The following TNKS variants were observed in gnomAD, a reference collection of about 807,000 sequenced individuals.
TNKS encodes poly [ADP-ribose] polymerase tankyrase-1.
A neutral mutation model predicts 135.8 loss-of-function variants in TNKS; 72 were observed. The observed-to-expected ratio is 0.53, with a 90% CI of 0.44 to 0.64. The LOEUF (loss-of-function observed/expected upper bound fraction) is 0.64, where lower values mean the gene tolerates loss of function less well. TNKS is among the 30% of genes least tolerant of loss of function. The pLI is 0.00. For synonymous variants in TNKS, 849 were observed against 649.3 expected (o/e 1.31, Z -4.68); for missense variants, 1,769 against 1,674.0 (o/e 1.06, Z -0.99).
chr8:9,630,462 G>A (rs969120112), intron 3 of TNKS, among the ~76,000 whole-genome samples: 3 of 152,188 alleles, frequency 2.0e-5, no homozygotes, highest in African/African-American at 7.2e-5. Context: ...TGTTAAATCT[G>A]TGTTGGTCTG....
chr8:9,637,161 A>G (rs1393968094), intron 3 of TNKS, among the ~76,000 whole-genome samples: 1 of 152,192 alleles, frequency 6.6e-6, no homozygotes, highest in Non-Finnish European at 1.5e-5. Flanking sequence ...CTCTTAAAAG[A>G]AGTAATATTT....
intron 1 of TNKS, chr8:9,566,382 G>T (rs978278207): frequency 2.0e-5 from 3 of 152,128 alleles, no homozygotes; most frequent in Admixed American, 1.3e-4. Context: ...CTTAACAACA[G>T]AAAAATATAA....
intron 17 of TNKS, among the ~76,000 whole-genome samples, chr8:9,744,967 T>C (rs886366596): frequency 3.9e-5 from 6 of 152,202 alleles, no homozygotes; most frequent in African/African-American, 7.2e-5. Context: ...CAGGTAATTT[T>C]CCTTGGACTT....
chr8:9,662,944 G>C (rs965093901), intron 3 of TNKS, among the ~76,000 whole-genome samples: 3 of 152,144 alleles, frequency 2.0e-5, no homozygotes, highest in African/African-American at 7.2e-5. Flanking sequence ...AAAAGACTGC[G>C]GATGTGATTA....
At chr8:9,690,546 G>A (rs1335215900) in intron 5 of TNKS, among the ~76,000 whole-genome samples, 1 of 152,108 alleles carries the variant, frequency 6.6e-6, no homozygotes, top group Non-Finnish European at 1.5e-5. Flanking sequence ...GATCATTTGA[G>A]TTCAGGAGTT....
intron 18 of TNKS, among the ~76,000 whole-genome samples, chr8:9,749,768 C>A (rs1422073323): frequency 6.6e-6 from 1 of 152,154 alleles, no homozygotes; most frequent in African/African-American, 2.4e-5. Flanking sequence ...CAGGTGTGAA[C>A]CACTGTACAT....
chr8:9,649,031 G>A (rs186103495), intron 3 of TNKS, among the ~76,000 whole-genome samples: 3 of 152,058 alleles, frequency 2.0e-5, no homozygotes, highest in Non-Finnish European at 2.9e-5. Flanking sequence ...CACAGTTTTG[G>A]TGTGGCTATT....
chr8:9,740,188 T>C (rs974517402), intron 17 of TNKS, among the ~76,000 whole-genome samples: 1 of 151,166 alleles, frequency 6.6e-6, no homozygotes, highest in African/African-American at 2.4e-5. Context: ...TGGAAGTAAC[T>C]AAGGCCCACT....
At chr8:9,743,373 G>C (rs909549508) in intron 17 of TNKS, 1 of 152,176 alleles carries the variant, frequency 6.6e-6, no homozygotes, top group Non-Finnish European at 1.5e-5. Context: ...CTTAGGGTCT[G>C]AATATCTGGG....
chr8:9,710,908 T>A (rs1804298220), intron 11 of TNKS, among the ~76,000 whole-genome samples: 1 of 151,902 alleles, frequency 6.6e-6, no homozygotes, highest in Non-Finnish European at 1.5e-5. Flanking sequence ...AAAAAAAAAT[T>A]GTATGCCTTC....
chr8:9,668,922 C>G (rs1802133396), intron 3 of TNKS, among the ~76,000 whole-genome samples: 1 of 152,000 alleles, frequency 6.6e-6, no homozygotes, highest in Non-Finnish European at 1.5e-5. Context: ...TTTTGTAAGA[C>G]AGGTATGGGG....
At chr8:9,723,951 A>C (rs1462976632) in intron 12 of TNKS, among the ~76,000 whole-genome samples, 1 of 152,224 alleles carries the variant, frequency 6.6e-6, no homozygotes, top group Non-Finnish European at 1.5e-5. Context: ...CCCCATTTAC[A>C]GTGGCACATT....
Position 9,754,110 on chromosome 8 carries a change from T to C in TNKS, c.3153+1484T>C, listed in dbSNP as rs546388215. On this transcript the variant is annotated intron_variant, in intron 20 of 26. Coordinates refer to ENST00000310430, the MANE Select transcript of TNKS (RefSeq NM_003747.3). Reference sequence around the variant, plus strand: ...ACCAGTATAATCCTGGGTGATCTCCTCATCTCTAGACCCTTAACATAATTT... The same window carrying C: ...ACCAGTATAATCCTGGGTGATCTCCCCATCTCTAGACCCTTAACATAATTT... Among the ~76,000 whole-genome samples, 7 of 152,222 alleles carry C rather than the reference T, an allele frequency of 4.6e-5. No individual in the cohort carries two copies. In the South Asian group the frequency reaches 1.4e-3, roughly 31 times the overall value.
At chr8:9,640,168 A>G (rs1263734591) in intron 3 of TNKS, among the ~76,000 whole-genome samples, 1 of 152,156 alleles carries the variant, frequency 6.6e-6, no homozygotes, top group African/African-American at 2.4e-5. Flanking sequence ...TATACCATAG[A>G]CTGGGTGATT....
chr8:9,747,283 A>G (rs543416957), intron 17 of TNKS, among the ~76,000 whole-genome samples: 9 of 130,162 alleles, frequency 6.9e-5, no homozygotes, highest in Non-Finnish European at 1.1e-4. Flanking sequence ...AAATGTAGTC[A>G]TCTTTGACTT....
chr8:9,606,350 T>C (rs1436097767), intron 2 of TNKS, among the ~76,000 whole-genome samples: 22 of 151,998 alleles, frequency 1.4e-4, no homozygotes, highest in Admixed American at 1.4e-3. Context: ...GTTTTTCAAT[T>C]GGAAGTTATG....
chr8:9,595,344 G>C (rs1467210891), intron 2 of TNKS, among the ~76,000 whole-genome samples: 2 of 151,972 alleles, frequency 1.3e-5, no homozygotes, highest in African/African-American at 4.8e-5. Flanking sequence ...TTCCATACTT[G>C]TATCCTTAAA....
intron 11 of TNKS, among the ~76,000 whole-genome samples, chr8:9,710,593 A>G (rs994885840): frequency 3.9e-5 from 6 of 152,194 alleles, no homozygotes; most frequent in Admixed American, 1.3e-4. Flanking sequence ...GAATAGCTCT[A>G]CTTATTCTAA....
intron 3 of TNKS, among the ~76,000 whole-genome samples, chr8:9,661,680 A>C (rs1392421662): frequency 6.6e-6 from 1 of 152,240 alleles, no homozygotes; most frequent in African/African-American, 2.4e-5. Flanking sequence ...ATGGGCAAGG[A>C]CTTCATGTCT....
Sources: allele counts gnomAD v4.1 joint callset (sites outside exome capture counted in the v4.1 genomes callset), GRCh38; gene constraint gnomAD v4.1.1; transcripts MANE v1.5; gene names NCBI Gene and HGNC (gene_info 2026-07-23, HGNC 2026-07-21).